Variants in ZFHX3 observed in about 807,000 individuals in gnomAD.
The protein encoded by ZFHX3 is zinc finger homeobox 3, also known as zinc finger homeobox protein 3.
Under a neutral mutation model 279.1 loss-of-function variants are expected in ZFHX3, and 42 were observed. That is an observed-to-expected ratio of 0.15 (90% CI 0.12 to 0.19). The LOEUF is 0.19. Ranked by LOEUF, ZFHX3 falls within the 10% of genes least tolerant of loss-of-function variation. The probability of loss-of-function intolerance (pLI) is 1.00; values close to 1 mark genes in which losing one functional copy is unlikely to be tolerated. For missense variants in ZFHX3, 4,981 were observed against 4,754.0 expected, an observed-to-expected ratio of 1.05 and a Z score of -1.40; for synonymous variants, 2,293 against 1,957.8, an observed-to-expected ratio of 1.17 and a Z score of -4.52.
At chr16:72,998,893 C>T (rs550244676) in intron 1 of ZFHX3, among the ~76,000 whole-genome samples, 5 of 152,324 alleles carry the variant, frequency 3.3e-5, no homozygotes, top group Admixed American at 1.3e-4. Flanking sequence ...CTCTCTGGGG[C>T]TTGTCCACCA....
intron 1 of ZFHX3, among the ~76,000 whole-genome samples, chr16:73,781,276 A>C (rs897425043): frequency 4.6e-5 from 7 of 152,208 alleles, no homozygotes; most frequent in African/African-American, 1.4e-4. Flanking sequence ...ATTTTACCTG[A>C]AGGCCTTTGT....
chr16:72,909,203 G>A (rs1398795861), intron 3 of ZFHX3, among the ~76,000 whole-genome samples: 1 of 152,188 alleles, frequency 6.6e-6, no homozygotes, highest in Non-Finnish European at 1.5e-5. Context: ...CAGCCTCTTA[G>A]AAGGCACGTT....
chr16:73,755,047 A>G (rs8054338), intron 1 of ZFHX3, among the ~76,000 whole-genome samples: 2,209 of 152,304 alleles, frequency 0.015, 59 homozygotes, highest in African/African-American at 0.048. Flanking sequence ...TCTACTTTAC[A>G]TACAACATAA....
intron 1 of ZFHX3, among the ~76,000 whole-genome samples, chr16:73,033,488 C>T (rs1384994124): frequency 2.0e-5 from 3 of 152,092 alleles, no homozygotes; most frequent in East Asian, 1.9e-4. Flanking sequence ...TCCTCTAAAA[C>T]GTGAACAGTT....
chr16:73,534,596 C>T (rs1474048846), intron 2 of ZFHX3, among the ~76,000 whole-genome samples: 1 of 152,192 alleles, frequency 6.6e-6, no homozygotes, highest in Non-Finnish European at 1.5e-5. Flanking sequence ...ATATTAGGTA[C>T]TTGATAAATA....
intron 3 of ZFHX3, among the ~76,000 whole-genome samples, chr16:73,348,824 A>G (rs2016169031): frequency 6.6e-6 from 1 of 152,222 alleles, no homozygotes; most frequent in African/African-American, 2.4e-5. Flanking sequence ...TCAGCCTGCC[A>G]GAAGCCCAGG....
At chr16:73,788,442 G>C (rs187309457) in intron 1 of ZFHX3, among the ~76,000 whole-genome samples, 2 of 152,218 alleles carry the variant, frequency 1.3e-5, no homozygotes, top group African/African-American at 4.8e-5. Flanking sequence ...GTCAGGGTTG[G>C]GGGTAGGTGA....
chr16:73,636,606 A>G (rs2052529325), intron 2 of ZFHX3, among the ~76,000 whole-genome samples: 1 of 152,214 alleles, frequency 6.6e-6, no homozygotes, highest in Non-Finnish European at 1.5e-5. Flanking sequence ...CAGCTTTTCT[A>G]TATATTAGCA....
intron 2 of ZFHX3, among the ~76,000 whole-genome samples, chr16:73,520,609 T>C (rs1447786554): frequency 1.3e-5 from 2 of 152,218 alleles, no homozygotes; most frequent in Non-Finnish European, 2.9e-5. Context: ...AGAAGTCTAC[T>C]GTCTCACGCA....
chr16:73,512,554 G>A (rs942350946), intron 2 of ZFHX3, among the ~76,000 whole-genome samples: 1 of 151,880 alleles, frequency 6.6e-6, no homozygotes, highest in Non-Finnish European at 1.5e-5. Flanking sequence ...GGATCTAAAG[G>A]GTATTGGAAC....
chr16:73,291,179 C>A (rs2014759651), intron 4 of ZFHX3, among the ~76,000 whole-genome samples: 1 of 152,130 alleles, frequency 6.6e-6, no homozygotes, highest in South Asian at 2.1e-4. Flanking sequence ...CCAACGGTAC[C>A]CATGGTTTAG....
chr16:72,910,424 C>G (rs972833061), intron 3 of ZFHX3, among the ~76,000 whole-genome samples: 2 of 152,188 alleles, frequency 1.3e-5, no homozygotes, highest in Admixed American at 6.5e-5. Flanking sequence ...ATCCTGACAT[C>G]TAAGAACAAG....
intron 3 of ZFHX3, among the ~76,000 whole-genome samples, chr16:72,920,848 T>C (rs894884061): frequency 3.9e-5 from 6 of 151,976 alleles, no homozygotes; most frequent in East Asian, 1.9e-4. Flanking sequence ...GGTGGGACGA[T>C]TGCTTGAAGC....
At chr16:73,326,383 T>C (rs1224027002) in intron 3 of ZFHX3, among the ~76,000 whole-genome samples, 1 of 152,174 alleles carries the variant, frequency 6.6e-6, no homozygotes, top group African/African-American at 2.4e-5. Flanking sequence ...GACTTTCCAG[T>C]TCTCAGTGCA....
At chr16:73,080,021 A>C (rs1663615242) in intron 8 of ZFHX3, among the ~76,000 whole-genome samples, 1 of 152,096 alleles carries the variant, frequency 6.6e-6, no homozygotes, top group South Asian at 2.1e-4. Context: ...CTGAGCTAGG[A>C]ACTGCCAGTT....
At chr16:73,271,280 G>A (rs1457468144) in intron 4 of ZFHX3, among the ~76,000 whole-genome samples, 1 of 152,128 alleles carries the variant, frequency 6.6e-6, no homozygotes, top group Admixed American at 6.5e-5. Flanking sequence ...GGCCCTTTTT[G>A]TTTTCTTCTA....
intron 3 of ZFHX3, among the ~76,000 whole-genome samples, chr16:72,909,081 T>C (rs1488109864): frequency 6.6e-6 from 1 of 152,172 alleles, no homozygotes. Flanking sequence ...ATAAGCAAAT[T>C]CTTACGATCA....
At chr16:73,716,631 A>ACACACACACT (rs2053417187) in intron 1 of ZFHX3, among the ~76,000 whole-genome samples, 3 of 143,240 alleles carry the variant, frequency 2.1e-5, no homozygotes, top group Admixed American at 1.4e-4. Flanking sequence ...ACACACACAC[A>ACACACACACT]CACACACACA....
intron 7 of ZFHX3, among the ~76,000 whole-genome samples, chr16:73,116,790 A>G (rs1201091382): frequency 6.6e-6 from 1 of 152,170 alleles, no homozygotes; most frequent in Non-Finnish European, 1.5e-5. Context: ...GCAGGGCTGG[A>G]AAAACCACAT....
Sources: allele counts gnomAD v4.1 joint callset (sites outside exome capture counted in the v4.1 genomes callset), GRCh38; gene constraint gnomAD v4.1.1; transcripts MANE v1.5; gene names NCBI Gene and HGNC (gene_info 2026-07-23, HGNC 2026-07-21).